Variants in SPAG7 observed in about 807,000 individuals in gnomAD.
SPAG7 encodes sperm associated antigen 7.
A neutral mutation model predicts 30.6 loss-of-function variants in SPAG7; 20 were observed. That is an observed-to-expected ratio of 0.65 (90% CI 0.46 to 0.95). The LOEUF (loss-of-function observed/expected upper bound fraction) is 0.95. SPAG7 is among the 40% of genes least tolerant of loss of function. The pLI, the probability that SPAG7 is intolerant of heterozygous loss-of-function variation, is 0.00. For synonymous variants in SPAG7, 127 were observed against 104.2 expected, an observed-to-expected ratio of 1.22 and a Z score of -1.33; for missense variants, 276 against 291.1, an observed-to-expected ratio of 0.95 and a Z score of 0.38.
Position 4,967,626 on chromosome 17 carries a change from T to C in SPAG7, c.85+94A>G, listed in dbSNP as rs935610845. The C allele has an allele frequency of 3.1e-6, 3 of 979,032 alleles. No individual in the cohort carries two copies. In the Admixed American group the frequency reaches 5.5e-5, roughly 18 times the overall value. 60.6% of individuals were successfully genotyped at this position (979,032 alleles called of 1,614,324 possible). A position where few individuals can be genotyped will look rare whatever the true frequency, so the allele number is the denominator to read the frequency against. On this transcript the variant is annotated intron_variant, in intron 1 of 6. Coordinates refer to ENST00000206020, the MANE Select transcript of SPAG7 (RefSeq NM_004890.3). ...TCTCGGAAGGGGCCTGTGAGGGGTC[T>C]TTCAAGGTTGAGGAGGCGGCATCGT...
At position 4,967,792 on chromosome 17, in the gene SPAG7, G is replaced by C; in HGVS notation, c.13C>G (p.Leu5Val). 1.2e-6 allele frequency: 2 copies of C among 1,613,786 alleles called. No homozygotes were observed. ...TCCATGGAGCTCAGGATGGAGCCCAGTAGGTCCGCCATCTTGGGAGTGACT... is the reference window on the plus strand; with the variant it reads ...TCCATGGAGCTCAGGATGGAGCCCACTAGGTCCGCCATCTTGGGAGTGACT... MADL[L>V]GSILSSMEKP... The change falls in exon 1 of 7, where the codon CTG (leucine) becomes GTG (valine). Residue 5 changes from leucine to valine, a missense_variant. Physicochemically the swap from Leu to Val is conservative, Grantham distance 32. Transcript: ENST00000206020.
Position 4,960,026 on chromosome 17 carries a change from A to G in SPAG7, c.413T>C (p.Leu138Pro). Reference sequence around the variant, plus strand: ...GGGCTGCAAAGCATAGCTCACCTTCAGCTTCCGCTTCTCCTCAGCCTTCTG... The same window carrying G: ...GGGCTGCAAAGCATAGCTCACCTTCGGCTTCCGCTTCTCCTCAGCCTTCTG... ...DPQKAEEKRK[L>P]KELAQRQEEE... The change falls in exon 5 of 7, where the codon CTG becomes CCG. Residue 138 changes from leucine to proline, a missense_variant. By Grantham distance (98) the Leu-to-Pro change is moderately conservative. Transcript: ENST00000206020. The G allele has an allele frequency of 6.2e-7, 1 of 1,614,012 alleles. No homozygotes were observed. The highest frequency in any genetic ancestry group is 8.5e-7 in the Non-Finnish European group (1 of 1,179,952).
chr17:4,967,461 G>C (rs1330982065), intron 1 of SPAG7, among the ~76,000 whole-genome samples: 1 of 152,188 alleles, frequency 6.6e-6, no homozygotes, highest in Admixed American at 6.5e-5. Flanking sequence ...CAGGCGGGAC[G>C]GCCGGCTAAT....
At position 4,959,836 on chromosome 17, in the gene SPAG7, C is replaced by T; in HGVS notation, c.498G>A (p.Lys166=). ...VVSPASDYKD[K]YSHLIGKGAA... ...CTCCCTTGCCGATGAGGTGGCTGTA[C>T]TTGTCCTTGTAGTCGCTGGCAGGGC... The change falls in exon 6 of 7, where the codon AAG becomes AAA. Residue 166 remains lysine, a synonymous_variant. Transcript: ENST00000206020. 6.2e-7 allele frequency: 1 copy of T among 1,614,154 alleles called. No homozygotes were observed. Among genetic ancestry groups the T allele is most frequent in the South Asian group, 1.1e-5 (1 of 91,090 alleles).
chr17:4,959,700 GC>G, intron 6 of SPAG7, 57 bp from the exon 7 acceptor site: 2 of 1,613,146 alleles, frequency 1.2e-6, no homozygotes. Flanking sequence ...AGCCTCCACT[GC>G]CCTCCTGCCG....
At chr17:4,960,182 G>T (rs187508474) in intron 4 of SPAG7, 52 bp downstream of exon 4, 104 of 1,600,524 alleles carry the variant, frequency 6.5e-5, no homozygotes, top group Admixed American at 3.3e-4. Flanking sequence ...TCGGGGAGGG[G>T]GGATAAGGCT....
intron 1 of SPAG7, chr17:4,965,680 AAC>A (rs1238011223): frequency 1.3e-5 from 2 of 151,926 alleles, no homozygotes; most frequent in Non-Finnish European, 2.9e-5. Context: ...TGTTGTTGGA[AAC>A]AGTCTCAACT....
Position 4,960,087 on chromosome 17 carries a change from G to A in SPAG7, c.352C>T (p.Leu118=), listed in dbSNP as rs753778760. Reference sequence around the variant, plus strand: ...TCCTCTCCACGACGGTAAGAGTCTAGCTCTTCATCTGAGGGTGCAAACTCC... The same window carrying A: ...TCCTCTCCACGACGGTAAGAGTCTAACTCTTCATCTGAGGGTGCAAACTCC... ...KKEFAPSDEE[L]DSYRRGEEWD... The change falls in exon 5 of 7, where the codon CTA becomes TTA. Residue 118 remains leucine, a synonymous_variant. Transcript: ENST00000206020. 4.3e-6 allele frequency: 7 copies of A among 1,614,082 alleles called. No homozygotes were observed. The highest frequency in any genetic ancestry group is 4.2e-6 in the Non-Finnish European group (5 of 1,179,900).
At chr17:4,962,290 T>G (rs1478536170) in intron 1 of SPAG7, among the ~76,000 whole-genome samples, 1 of 151,866 alleles carries the variant, frequency 6.6e-6, no homozygotes, top group African/African-American at 2.4e-5. Context: ...ATTTTTGTAT[T>G]TTTAGTAGAG....
intron 1 of SPAG7, among the ~76,000 whole-genome samples, chr17:4,961,469 G>C (rs1971862041): frequency 7.5e-6 from 1 of 132,480 alleles, no homozygotes. Flanking sequence ...AAAAAAAAAA[G>C]AGATGGCCGG....
At chr17:4,961,817 A>G (rs1004173083) in intron 1 of SPAG7, among the ~76,000 whole-genome samples, 7 of 151,904 alleles carry the variant, frequency 4.6e-5, no homozygotes, top group African/African-American at 1.7e-4. Context: ...CAATAGAACA[A>G]TTATAACAAT....
chr17:4,961,033 G>A (rs978663510), intron 1 of SPAG7, among the ~76,000 whole-genome samples, 180 bp from the exon 2 acceptor site: 1 of 152,324 alleles, frequency 6.6e-6, no homozygotes, highest in Admixed American at 6.5e-5. Flanking sequence ...CTTATCCACA[G>A]GGGTTCATTC....
At chr17:4,966,891 G>A in intron 1 of SPAG7, 1 of 985,522 alleles carries the variant, frequency 1.0e-6, no homozygotes, top group Non-Finnish European at 1.2e-6. Context: ...GCTGGGACAG[G>A]GCTCGTCCGT....
At chr17:4,961,321 G>T (rs1173849241) in intron 1 of SPAG7, among the ~76,000 whole-genome samples, 1 of 152,018 alleles carries the variant, frequency 6.6e-6, no homozygotes, top group Non-Finnish European at 1.5e-5. Context: ...GCCGGGTGTG[G>T]TGGTGGGCGC....
In SPAG7 at chr17:4,967,751, G is replaced by A; in HGVS notation, c.54C>T (p.Leu18=). 1.9e-6 allele frequency: 3 copies of A among 1,614,104 alleles called. No individual in the cohort carries two copies. The highest frequency in any genetic ancestry group is 2.5e-6 in the Non-Finnish European group (3 of 1,179,976). Residue 18 remains leucine (L), a synonymous_variant, in exon 1 of 7, where the codon CTC becomes CTT. Transcript: ENST00000206020. ...ILSSMEKPPS[L]GDQETRRKAR... is the part of the protein sequence containing the mutation. ...CCTTGCGCCGAGTCTCCTGGTCACC[G>A]AGGCTGGGTGGCTTCTCCATGGAGC...
intron 3 of SPAG7, 61 bp downstream of exon 3, chr17:4,960,398 T>C: frequency 6.3e-7 from 1 of 1,596,836 alleles, no homozygotes; most frequent in Non-Finnish European, 8.6e-7. Flanking sequence ...AGCCCCCCGC[T>C]GGCCCTTTCA....
intron 1 of SPAG7, among the ~76,000 whole-genome samples, chr17:4,963,188 C>T (rs965376740): frequency 5.3e-5 from 8 of 152,026 alleles, no homozygotes; most frequent in African/African-American, 1.4e-4. Flanking sequence ...AGGCCAGGAG[C>T]TCCAGACCAG....
At position 4,967,800 on chromosome 17, in the gene SPAG7, G is replaced by C. The variant is rs772537470; in HGVS notation, c.5C>G (p.Ala2Gly). 1.2e-5 allele frequency: 19 copies of C among 1,612,714 alleles called. No homozygotes were observed. The highest frequency in any genetic ancestry group is 1.7e-6 in the Non-Finnish European group (2 of 1,178,888). The change falls in exon 1 of 7, where the codon GCG becomes GGG. Residue 2 changes from alanine to glycine, a missense_variant. By Grantham distance (60) the Ala-to-Gly change is moderately conservative (BLOSUM62 0). Transcript: ENST00000206020. ...GCTCAGGATGGAGCCCAGTAGGTCC[G>C]CCATCTTGGGAGTGACTGAGAGGGG... MADLLGSILSSM... is the reference protein window; with the variant it reads MGDLLGSILSSM...
At chr17:4,966,596 G>A (rs1971957064) in intron 1 of SPAG7, 3 of 985,362 alleles carry the variant, frequency 3.0e-6, no homozygotes, top group Non-Finnish European at 3.6e-6. Flanking sequence ...TCTCATTTAC[G>A]GAATTACCTG....
Sources: allele counts gnomAD v4.1 joint callset (sites outside exome capture counted in the v4.1 genomes callset), GRCh38; gene constraint gnomAD v4.1.1; transcripts MANE v1.5; gene names NCBI Gene and HGNC (gene_info 2026-07-23, HGNC 2026-07-21).